DPYD: variants seen among roughly 807,000 people sequenced by gnomAD.
The protein encoded by DPYD is dihydropyrimidine dehydrogenase.
In DPYD, 109 loss-of-function variants were observed where a neutral mutation model predicts 116.2. The observed-to-expected ratio is 0.94, with a 90% confidence interval of 0.80 to 1.10. The LOEUF (loss-of-function observed/expected upper bound fraction) is 1.10, where lower values mean the gene tolerates loss of function less well. Ranked by LOEUF, DPYD falls within the 50% of genes least tolerant of loss-of-function variation. The pLI is 0.00. For synonymous variants in DPYD, 440 were observed against 432.0 expected, an observed-to-expected ratio of 1.02 and a Z score of -0.23; for missense variants, 1,302 against 1,254.5, an observed-to-expected ratio of 1.04 and a Z score of -0.57.
intron 14 of DPYD, among the ~76,000 whole-genome samples, chr1:97,429,978 T>C (rs573375375): frequency 6.6e-6 from 1 of 152,224 alleles, no homozygotes; most frequent in South Asian, 2.1e-4. Flanking sequence ...TTGCACAAGT[T>C]TGGAACCAAT....
At chr1:97,315,656 C>A (rs984803918) in intron 16 of DPYD, among the ~76,000 whole-genome samples, 8 of 151,902 alleles carry the variant, frequency 5.3e-5, no homozygotes, top group African/African-American at 1.9e-4. Flanking sequence ...CCAAGTGACC[C>A]CAGGATATCT....
chr1:97,472,979 G>T (rs889580628), intron 13 of DPYD, among the ~76,000 whole-genome samples: 1 of 152,026 alleles, frequency 6.6e-6, no homozygotes, highest in African/African-American at 2.4e-5. Flanking sequence ...TTTTTGTGGT[G>T]AGAATATTTA....
At chr1:97,147,193 C>A (rs979142519) in intron 20 of DPYD, among the ~76,000 whole-genome samples, 1 of 152,048 alleles carries the variant, frequency 6.6e-6, no homozygotes, top group African/African-American at 2.4e-5. Flanking sequence ...TCTGAAACTA[C>A]AAAAATTAGC....
chr1:97,238,034 A>G (rs929943319), intron 18 of DPYD, among the ~76,000 whole-genome samples: 2 of 152,156 alleles, frequency 1.3e-5, no homozygotes, highest in African/African-American at 4.8e-5. Flanking sequence ...AAAATTAACC[A>G]GTGACACTTA....
At position 97,235,014 on chromosome 1, in the gene DPYD, T is replaced by A; in HGVS notation, c.2300-20A>T. ...CTGTCCCTACACAAAATCAGAATAA[T>A]CAATGGTTAGCACACTGACCACTTG... On this transcript the variant is annotated intron_variant, in intron 18 of 22. Coordinates refer to ENST00000370192, the MANE Select transcript of DPYD (RefSeq NM_000110.4). 6.2e-7 allele frequency: 1 copy of A among 1,614,084 alleles called. No individual in the cohort carries two copies. Among genetic ancestry groups the A allele is most frequent in the African/African-American group, 1.3e-5 (1 of 75,060 alleles).
intron 8 of DPYD, among the ~76,000 whole-genome samples, chr1:97,666,288 T>A (rs1659551880): frequency 6.6e-6 from 1 of 152,076 alleles, no homozygotes; most frequent in African/African-American, 2.4e-5. Flanking sequence ...TTCTCCCACT[T>A]CAGCCTATTG....
At chr1:97,672,339 C>T (rs1659914847) in intron 8 of DPYD, among the ~76,000 whole-genome samples, 2 of 152,068 alleles carry the variant, frequency 1.3e-5, no homozygotes, top group South Asian at 2.1e-4. Flanking sequence ...AGAATAATTG[C>T]CCTACATCTA....
Position 97,721,621 on chromosome 1 carries a change from C to G in DPYD, c.372G>C (p.Leu124=). The G allele has an allele frequency of 6.2e-7, 1 of 1,611,716 alleles. No individual in the cohort carries two copies. The highest frequency in any genetic ancestry group is 8.5e-7 in the Non-Finnish European group (1 of 1,178,386). Residue 124 remains leucine (L), a synonymous_variant, in exon 5 of 23, where the codon CTG becomes CTC. Transcript: ENST00000370192. The stretch of plus-strand genomic sequence containing the variant: ...AGGTTGGACATACCATTCCACAAGT[C>G]AGACCAAGTGGGTTGTCAGAAAATA... ...KMIFSDNPLG[L]TCGMVCPTSD...
intron 3 of DPYD, among the ~76,000 whole-genome samples, chr1:97,747,892 G>A (rs1172494456): frequency 1.3e-5 from 2 of 152,062 alleles, no homozygotes; most frequent in Admixed American, 6.5e-5. Flanking sequence ...TTTGCAAATG[G>A]GGATAACTTG....
At chr1:97,186,530 T>G (rs1207175994) in intron 20 of DPYD, among the ~76,000 whole-genome samples, 1 of 151,906 alleles carries the variant, frequency 6.6e-6, no homozygotes, top group Admixed American at 6.6e-5. Flanking sequence ...TATTTGACTT[T>G]CTTTTTCTGA....
chr1:97,229,021 C>T (rs1323200564), intron 19 of DPYD, among the ~76,000 whole-genome samples: 1 of 151,604 alleles, frequency 6.6e-6, no homozygotes, highest in Non-Finnish European at 1.5e-5. Flanking sequence ...CATAGTGAAA[C>T]CCTGTCTCTA....
intron 8 of DPYD, among the ~76,000 whole-genome samples, chr1:97,617,663 G>T (rs1466829128): frequency 6.6e-6 from 1 of 152,046 alleles, no homozygotes; most frequent in African/African-American, 2.4e-5. Context: ...GGGGTTGGGG[G>T]TGTCTGCTGA....
intron 10 of DPYD, among the ~76,000 whole-genome samples, chr1:97,592,078 CA>C (rs1654558413): frequency 6.6e-6 from 1 of 152,146 alleles, no homozygotes; most frequent in Non-Finnish European, 1.5e-5. Context: ...CTACATATGA[CA>C]AATTACCTAT....
At chr1:97,368,262 C>T (rs915252455) in intron 16 of DPYD, among the ~76,000 whole-genome samples, 1 of 152,046 alleles carries the variant, frequency 6.6e-6, no homozygotes, top group African/African-American at 2.4e-5. Flanking sequence ...GTGGGACTTG[C>T]TACTTGGTTA....
chr1:97,528,277 A>C (rs532765861), intron 12 of DPYD, among the ~76,000 whole-genome samples: 114 of 152,312 alleles, frequency 7.5e-4, no homozygotes, highest in South Asian at 6.0e-3. Flanking sequence ...TATTCATAAT[A>C]AAATTTCCTT....
At chr1:97,374,575 C>T (rs898247735) in intron 15 of DPYD, among the ~76,000 whole-genome samples, 1 of 151,588 alleles carries the variant, frequency 6.6e-6, no homozygotes, top group African/African-American at 2.4e-5. Context: ...AAAAATTAGC[C>T]GGGCATGGTG....
chr1:97,493,556 A>C (rs1355812814), intron 13 of DPYD, among the ~76,000 whole-genome samples: 1 of 152,088 alleles, frequency 6.6e-6, no homozygotes, highest in African/African-American at 2.4e-5. Flanking sequence ...CAGGTGGAGC[A>C]ATTTTCATCC....
chr1:97,688,475 G>T (rs1324819212), intron 7 of DPYD, among the ~76,000 whole-genome samples: 1 of 151,780 alleles, frequency 6.6e-6, no homozygotes, highest in Non-Finnish European at 1.5e-5. Context: ...ACTTATAGAC[G>T]ATATGAAGAA....
chr1:97,744,445 A>T lies in DPYD; in HGVS notation c.234-3966T>A, dbSNP rs564436695. On this transcript the variant is annotated intron_variant, in intron 3 of 22. Coordinates refer to ENST00000370192, the MANE Select transcript of DPYD (RefSeq NM_000110.4). ...GCTGAATTAATTTCTTTCTCAGATA[A>T]AAAATAATAATAAAAAAACACATAC... Among the ~76,000 whole-genome samples, 3 of 151,762 alleles carry T rather than the reference A, an allele frequency of 2.0e-5. No individual in the cohort carries two copies. The South Asian group carries it at 6.3e-4, about 32-fold the overall frequency.
Sources: allele counts gnomAD v4.1 joint callset (sites outside exome capture counted in the v4.1 genomes callset), GRCh38; gene constraint gnomAD v4.1.1; transcripts MANE v1.5; gene names NCBI Gene and HGNC (gene_info 2026-07-23, HGNC 2026-07-21).